PCBP3: variants seen among roughly 807,000 people sequenced by gnomAD.
PCBP3 encodes poly(rC)-binding protein 3.
In PCBP3, 25 loss-of-function variants were observed where a neutral mutation model predicts 52.7. That is an observed-to-expected ratio of 0.47 (90% CI 0.35 to 0.66). PCBP3 has a LOEUF of 0.66. Ranked by LOEUF, PCBP3 falls within the 30% of genes least tolerant of loss-of-function variation. The probability of loss-of-function intolerance (pLI) is 0.01; values close to 1 mark genes in which losing one functional copy is unlikely to be tolerated. For missense variants in PCBP3, 391 were observed against 490.3 expected, an observed-to-expected ratio of 0.80 and a Z score of 1.91; for synonymous variants, 162 against 183.0, an observed-to-expected ratio of 0.89 and a Z score of 0.93.
Position 45,656,706 on chromosome 21 carries a change from G to A in PCBP3, c.-278-12168G>A, listed in dbSNP as rs1004680793. Among the ~76,000 whole-genome samples the A allele has an allele frequency of 7.9e-5, 12 of 152,012 alleles. No individual in the cohort carries two copies. The highest frequency in any genetic ancestry group is 1.6e-4 in the Non-Finnish European group (11 of 68,000). On this transcript the variant is annotated intron_variant, in intron 1 of 17. Coordinates refer to ENST00000681687, the MANE Select transcript of PCBP3 (RefSeq NM_001384156.1). This position sits in a 1 kb window ranked among gnomAD's most constrained non-coding sequence, Gnocchi z 4.3. The stretch of plus-strand genomic sequence containing the variant: ...TAAATCCTTTGCCCATTTAAAAACT[G>A]GATTGTCTTTTTATCGCTGAGTTGT...
intron 5 of PCBP3, among the ~76,000 whole-genome samples, chr21:45,886,796 G>A (rs566633842): frequency 6.6e-6 from 1 of 152,320 alleles, no homozygotes; most frequent in Non-Finnish European, 1.5e-5. Flanking sequence ...ACACCAGGGG[G>A]CAAGGACTCA....
chr21:45,850,271 G>A (rs1341904820), intron 5 of PCBP3, among the ~76,000 whole-genome samples, 176 bp downstream of exon 5: 1 of 152,216 alleles, frequency 6.6e-6, no homozygotes, highest in Non-Finnish European at 1.5e-5. Context: ...GGGAAATTGG[G>A]GATCCCTGCT....
At chr21:45,787,312 A>G (rs905211954) in intron 4 of PCBP3, among the ~76,000 whole-genome samples, 1 of 152,042 alleles carries the variant, frequency 6.6e-6, no homozygotes, top group Non-Finnish European at 1.5e-5. Flanking sequence ...TGGCGTGATC[A>G]TAGCTCACTG....
chr21:45,751,724 GT>G (rs1447329740), intron 3 of PCBP3: 3 of 152,258 alleles, frequency 2.0e-5, no homozygotes, highest in Non-Finnish European at 4.4e-5. Flanking sequence ...TCCTCCTTCA[GT>G]TAGACAGTTG....
chr21:45,793,362 C>T (rs568636777), intron 4 of PCBP3, among the ~76,000 whole-genome samples: 3 of 152,160 alleles, frequency 2.0e-5, no homozygotes, highest in East Asian at 1.9e-4. Flanking sequence ...GAGCACAGAC[C>T]GAGGACCAGC....
At chr21:45,676,975 G>A (rs1166734906) in intron 2 of PCBP3, among the ~76,000 whole-genome samples, 3 of 152,030 alleles carry the variant, frequency 2.0e-5, no homozygotes, top group African/African-American at 7.3e-5. Context: ...GTTTCGCTAT[G>A]TTGGCCAAGC....
intron 4 of PCBP3, among the ~76,000 whole-genome samples, chr21:45,835,621 C>T (rs1033650890): frequency 1.3e-5 from 2 of 152,254 alleles, no homozygotes; most frequent in Non-Finnish European, 2.9e-5. Flanking sequence ...GCCTGTCCTG[C>T]CACATGGCCC....
At chr21:45,714,940 G>T (rs2084108835) in intron 2 of PCBP3, among the ~76,000 whole-genome samples, 1 of 152,346 alleles carries the variant, frequency 6.6e-6, no homozygotes, top group Non-Finnish European at 1.5e-5. Context: ...TGGGCCTATG[G>T]TGTTTGTAAG....
At chr21:45,646,107 C>CTCTATG (rs1555895746) in intron 1 of PCBP3, among the ~76,000 whole-genome samples, 1 of 83,782 alleles carries the variant, frequency 1.2e-5, no homozygotes, top group Admixed American at 1.5e-4. Flanking sequence ...CTCTCTCTCT[C>CTCTATG]TGTGTGTGTG....
Position 45,857,759 on chromosome 21 carries a change from T to C in PCBP3, c.10+7664T>C, listed in dbSNP as rs76336691. Among the ~76,000 whole-genome samples, 299 of 152,324 alleles carry C rather than the reference T, an allele frequency of 2.0e-3. 2 individuals are homozygous for C. The highest frequency in any genetic ancestry group is 6.9e-3 in the African/African-American group (285 of 41,568). ...GAGTAAATCTCTTCAAATATTATTT[T>C]GTAGAGTTTAGCTCTTCTTGTTGAC... On this transcript the variant is annotated intron_variant, in intron 5 of 17. Transcript: ENST00000681687.
At chr21:45,900,140 G>T (rs1391199627) in intron 7 of PCBP3, among the ~76,000 whole-genome samples, 1 of 152,208 alleles carries the variant, frequency 6.6e-6, no homozygotes, top group Non-Finnish European at 1.5e-5. Flanking sequence ...CTTCCCCTCA[G>T]TCCCACCATG....
chr21:45,654,556 G>T (rs1206358546), intron 1 of PCBP3, among the ~76,000 whole-genome samples: 1 of 152,040 alleles, frequency 6.6e-6, no homozygotes, highest in Admixed American at 6.6e-5. Flanking sequence ...GGCTAGGATG[G>T]TCTCAATCTC....
At chr21:45,927,459 A>G (rs1180629749) in intron 13 of PCBP3, among the ~76,000 whole-genome samples, 1 of 142,588 alleles carries the variant, frequency 7.0e-6, no homozygotes, top group Admixed American at 7.2e-5. Flanking sequence ...ATTTTCCCAA[A>G]AAGTGGAAGG....
At chr21:45,797,488 AGAGAGTGTAAT>A (rs1316078708) in intron 4 of PCBP3, among the ~76,000 whole-genome samples, 13 of 151,852 alleles carry the variant, frequency 8.6e-5, no homozygotes, top group East Asian at 2.0e-4. Context: ...GGATCCATAG[AGAGAGTGTAAT>A]GCATGGATAG....
intron 8 of PCBP3, 71 bp downstream of exon 8, chr21:45,900,694 C>G: frequency 9.2e-7 from 1 of 1,087,204 alleles, no homozygotes; most frequent in South Asian, 1.3e-5. Context: ...AGGCTCTGCC[C>G]CTGCCGACGT....
At chr21:45,909,527 A>G in intron 10 of PCBP3, 41 bp downstream of exon 10, 7 of 1,599,896 alleles carry the variant, frequency 4.4e-6, no homozygotes, top group Non-Finnish European at 6.0e-6. Flanking sequence ...CGGAGCCTCT[A>G]GGCGGGCTGC....
At chr21:45,898,234 C>T (rs1375684409) in intron 6 of PCBP3, among the ~76,000 whole-genome samples, 2 of 152,132 alleles carry the variant, frequency 1.3e-5, no homozygotes, top group East Asian at 1.9e-4. Context: ...GGGGAGGTGC[C>T]ATGATTGACG....
intron 1 of PCBP3, among the ~76,000 whole-genome samples, 171 bp from the exon 2 acceptor site, chr21:45,668,702 TA>T (rs987412980): frequency 1.3e-5 from 2 of 151,430 alleles, no homozygotes; most frequent in African/African-American, 2.4e-5. Context: ...TCTAGATTTC[TA>T]AAAAAAAAGT....
At chr21:45,762,170 C>T (rs1361988265) in intron 4 of PCBP3, 2 of 152,316 alleles carry the variant, frequency 1.3e-5, no homozygotes, top group African/African-American at 4.8e-5. Context: ...CTTGGGGTCT[C>T]TTTTGAGGCT....
Sources: allele counts gnomAD v4.1 joint callset (sites outside exome capture counted in the v4.1 genomes callset), GRCh38; gene constraint gnomAD v4.1.1; non-coding constraint Gnocchi (gnomAD v3.1); transcripts MANE v1.5; gene names NCBI Gene and HGNC (gene_info 2026-07-23, HGNC 2026-07-21).